RNF150: variants seen among roughly 807,000 people sequenced by gnomAD.
RNF150 encodes ring finger protein 150.
Under a neutral mutation model 39.3 loss-of-function variants are expected in RNF150, and 24 were observed. The observed-to-expected ratio is 0.61, with a 90% CI of 0.44 to 0.86. The LOEUF is 0.86. RNF150 is among the 40% of genes least tolerant of loss of function. The pLI, the probability that RNF150 is intolerant of heterozygous loss-of-function variation, is 0.00. For missense variants in RNF150, 502 were observed against 587.8 expected, an observed-to-expected ratio of 0.85 and a Z score of 1.51; for synonymous variants, 255 against 227.3, an observed-to-expected ratio of 1.12 and a Z score of -1.10.
intron 1 of RNF150, among the ~76,000 whole-genome samples, chr4:141,067,959 T>G (rs1737528924): frequency 1.3e-5 from 2 of 152,062 alleles, no homozygotes; most frequent in South Asian, 4.1e-4. Context: ...TACTTTTTTT[T>G]TTTTTTGAGA....
intron 1 of RNF150, among the ~76,000 whole-genome samples, chr4:141,081,913 C>T (rs1275479590): frequency 6.6e-6 from 1 of 152,224 alleles, no homozygotes; most frequent in Non-Finnish European, 1.5e-5. Flanking sequence ...ATTTTCAAAA[C>T]CGTAAACTGT....
intron 1 of RNF150, among the ~76,000 whole-genome samples, chr4:141,005,330 G>A (rs1734825155): frequency 2.6e-5 from 4 of 152,200 alleles, no homozygotes; most frequent in Admixed American, 2.6e-4. Context: ...ATGCATGGAT[G>A]TGGATGAGGT....
chr4:141,212,688 G>A (rs1728489617), intron 1 of RNF150: 1 of 152,118 alleles, frequency 6.6e-6, no homozygotes, highest in South Asian at 2.1e-4. Context: ...TACTCTTCTT[G>A]GCCACAGGGC....
In RNF150 at chr4:140,866,433, C is replaced by T. The variant is rs1476342469; in HGVS notation, c.*1828G>A. On this transcript the variant is annotated 3_prime_UTR_variant, in exon 7 of 7. Coordinates refer to ENST00000515673, the MANE Select transcript of RNF150 (RefSeq NM_020724.2). Reference sequence around the variant, plus strand: ...GAGCTCTCTTCATTCCTCCCTGCCTCTTTTCCCACACATAGAGAGTGGATT... The same window carrying T: ...GAGCTCTCTTCATTCCTCCCTGCCTTTTTTCCCACACATAGAGAGTGGATT... 2 of 152,220 alleles carry T rather than the reference C, an allele frequency of 1.3e-5. No homozygotes were observed. The highest frequency in any genetic ancestry group is 2.9e-5 in the Non-Finnish European group (2 of 68,052). The allele number at this position is 152,220 out of a possible 1,614,324, so 9.4% of individuals were successfully genotyped here.
At chr4:140,968,149 C>A (rs971162011) in intron 1 of RNF150, among the ~76,000 whole-genome samples, 2 of 152,008 alleles carry the variant, frequency 1.3e-5, no homozygotes, top group East Asian at 3.9e-4. Flanking sequence ...TTGCGATGCC[C>A]TTTTCAACTC....
At chr4:141,026,033 A>G (rs1344112171) in intron 1 of RNF150, among the ~76,000 whole-genome samples, 1 of 152,170 alleles carries the variant, frequency 6.6e-6, no homozygotes, top group African/African-American at 2.4e-5. Context: ...ACAAAAAGAA[A>G]GCTGTGTCTG....
At position 141,059,954 on chromosome 4, in the gene RNF150, C is replaced by T. The variant is rs1737146883; in HGVS notation, c.484+72371G>A. On this transcript the variant is annotated intron_variant, in intron 1 of 6. Coordinates refer to ENST00000515673, the MANE Select transcript of RNF150 (RefSeq NM_020724.2). ...TGCTATGTGAAGAGGTAAATTCTATCTCCAAATGAATTAGGTGATGGAAAT... is the reference window on the plus strand; with the variant it reads ...TGCTATGTGAAGAGGTAAATTCTATTTCCAAATGAATTAGGTGATGGAAAT... Among the ~76,000 whole-genome samples, 4 of 152,010 alleles carry T rather than the reference C, an allele frequency of 2.6e-5. No individual in the cohort carries two copies. In the South Asian group the frequency reaches 8.3e-4, roughly 32 times the overall value.
At chr4:141,041,326 C>G (rs1420377863) in intron 1 of RNF150, among the ~76,000 whole-genome samples, 1 of 152,048 alleles carries the variant, frequency 6.6e-6, no homozygotes, top group Non-Finnish European at 1.5e-5. Flanking sequence ...AAACACAGAG[C>G]TCTGAGGTCA....
intron 2 of RNF150, among the ~76,000 whole-genome samples, chr4:140,953,518 A>G: frequency 5.3e-5 from 1 of 18,722 alleles, no homozygotes; most frequent in East Asian, 1.7e-3. Flanking sequence ...CCATGTAATA[A>G]AAGATTTTTT....
At chr4:141,086,786 T>C (rs957997931) in intron 1 of RNF150, among the ~76,000 whole-genome samples, 3 of 151,652 alleles carry the variant, frequency 2.0e-5, no homozygotes, top group South Asian at 2.1e-4. Context: ...ACTACCATAT[T>C]TATTTTAAAT....
chr4:140,883,591 A>C (rs1729454169), intron 6 of RNF150, among the ~76,000 whole-genome samples: 1 of 152,110 alleles, frequency 6.6e-6, no homozygotes, highest in Non-Finnish European at 1.5e-5. Flanking sequence ...CAGTACTTTA[A>C]ATATATCATC....
intron 1 of RNF150, among the ~76,000 whole-genome samples, chr4:141,199,029 A>C (rs1728249325): frequency 6.6e-6 from 1 of 152,226 alleles, no homozygotes; most frequent in Non-Finnish European, 1.5e-5. Context: ...ACTTAACAAT[A>C]AGAAAACAAA....
At chr4:140,983,872 T>A (rs896350483) in intron 1 of RNF150, among the ~76,000 whole-genome samples, 4 of 151,876 alleles carry the variant, frequency 2.6e-5, no homozygotes, top group African/African-American at 9.7e-5. Flanking sequence ...CTCGAGTAGC[T>A]GGGACTACAG....
chr4:141,020,839 T>A (rs1174272286), intron 1 of RNF150, among the ~76,000 whole-genome samples: 1 of 152,152 alleles, frequency 6.6e-6, no homozygotes, highest in East Asian at 1.9e-4. Context: ...GAGGATGAGA[T>A]CCTGGCTAAC....
chr4:141,091,167 G>A (rs56324654), intron 1 of RNF150, among the ~76,000 whole-genome samples: 23,049 of 152,114 alleles, frequency 0.15, 1,901 homozygotes, highest in Middle Eastern at 0.24. Context: ...ATGTAGCTTC[G>A]AGCAATTTTC....
At chr4:140,911,033 AATG>A in intron 6 of RNF150, 108 bp downstream of exon 6, 6 of 831,168 alleles carry the variant, frequency 7.2e-6, no homozygotes, top group Non-Finnish European at 9.8e-6. Context: ...TGAACCTAGC[AATG>A]ATGTACTCAT....
chr4:141,195,414 C>T (rs1460278991), intron 1 of RNF150, among the ~76,000 whole-genome samples: 3 of 152,152 alleles, frequency 2.0e-5, no homozygotes, highest in Non-Finnish European at 4.4e-5. Flanking sequence ...ATGTGGTTTT[C>T]TCCCTGTATC....
In RNF150 at chr4:140,925,664, C is replaced by T. The variant is rs111364733; in HGVS notation, c.987+313G>A. ...AGAGGTGCTCAGTGTGCAACTGGCC[C>T]GGGGTGTATCTGCTGCCGTCCCACC... On this transcript the variant is annotated intron_variant, in intron 5 of 6. Transcript: ENST00000515673. 7.0e-3 allele frequency among the ~76,000 whole-genome samples: 1,061 copies of T among 152,200 alleles called. 11 individuals carry two copies. Among genetic ancestry groups the T allele is most frequent in the South Asian group, 0.015 (73 of 4,806 alleles).
At chr4:141,048,811 A>G (rs934552699) in intron 1 of RNF150, among the ~76,000 whole-genome samples, 1 of 152,236 alleles carries the variant, frequency 6.6e-6, no homozygotes, top group African/African-American at 2.4e-5. Context: ...CATGACAAGA[A>G]GAAGATATAT....
Sources: allele counts gnomAD v4.1 joint callset (sites outside exome capture counted in the v4.1 genomes callset), GRCh38; gene constraint gnomAD v4.1.1; transcripts MANE v1.5; gene names NCBI Gene and HGNC (gene_info 2026-07-23, HGNC 2026-07-21).